The following CEP70 variants were observed in gnomAD, a reference collection of about 807,000 sequenced individuals.
CEP70 encodes the protein centrosomal protein of 70 kDa.
A neutral mutation model predicts 90.9 loss-of-function variants in CEP70; 70 were observed. That is an observed-to-expected ratio of 0.77 (90% CI 0.64 to 0.94). CEP70 has a LOEUF of 0.94. Among genes scored for constraint, CEP70 ranks in the 40% least tolerant of loss-of-function variants. CEP70 has a pLI of 0.00. For synonymous variants in CEP70, 220 were observed against 228.3 expected (o/e 0.96, Z 0.33); for missense variants, 648 against 669.0 (o/e 0.97, Z 0.35).
chr3:138,543,488 G>T (rs2038928039), intron 6 of CEP70, among the ~76,000 whole-genome samples: 1 of 152,216 alleles, frequency 6.6e-6, no homozygotes, highest in Admixed American at 6.5e-5. Flanking sequence ...GTACTTCCAA[G>T]CCTGAGGGGG....
chr3:138,527,434 C>T (rs922752691), intron 10 of CEP70, among the ~76,000 whole-genome samples: 1 of 151,714 alleles, frequency 6.6e-6, no homozygotes, highest in Non-Finnish European at 1.5e-5. Context: ...CGGTGGCTCA[C>T]GCTTGTAATT....
chr3:138,527,617 C>T (rs1272715480), intron 10 of CEP70, among the ~76,000 whole-genome samples: 1 of 151,014 alleles, frequency 6.6e-6, no homozygotes, highest in Non-Finnish European at 1.5e-5. Flanking sequence ...ATCACTTGAG[C>T]CCGGGAGGCA....
chr3:138,593,272 G>C (rs1332613093), intron 1 of CEP70, among the ~76,000 whole-genome samples: 1 of 152,170 alleles, frequency 6.6e-6, no homozygotes, highest in African/African-American at 2.4e-5. Context: ...ACCCAGGCTG[G>C]AGTGCAGTGG....
chr3:138,568,591 T>A (rs1175934216), intron 6 of CEP70, among the ~76,000 whole-genome samples: 1 of 152,034 alleles, frequency 6.6e-6, no homozygotes, highest in Non-Finnish European at 1.5e-5. Context: ...AAGAGCAAGG[T>A]CAAAACCAAT....
Position 138,537,194 on chromosome 3 carries a change from T to C in CEP70, c.619A>G (p.Thr207Ala). 1.3e-6 allele frequency: 2 copies of C among 1,571,518 alleles called. No individual in the cohort carries two copies. Among genetic ancestry groups the C allele is most frequent in the Non-Finnish European group, 1.7e-6 (2 of 1,164,020 alleles). The change falls in exon 7 of 18, where the codon ACC (threonine) becomes GCC (alanine). Residue 207 changes from threonine (T) to alanine (A), a missense_variant. By Grantham distance (58) the Thr-to-Ala change is moderately conservative (BLOSUM62 0). Coordinates refer to ENST00000264982, the MANE Select transcript of CEP70 (RefSeq NM_024491.4). ...CAAAATTACTGTCTATCCAAGACGG[T>C]ATGAGGAACTCTTTTGCACAGATAG... is the stretch of plus-strand genomic sequence containing the variant. ...FAYLCKRVPH[T>A]VLDRQLLCLI...
chr3:138,521,483 G>A (rs534537479), intron 11 of CEP70, among the ~76,000 whole-genome samples: 97 of 150,046 alleles, frequency 6.5e-4, no homozygotes, highest in African/African-American at 2.0e-3. Context: ...AGTGAGGAGC[G>A]TCTCTGCCTG....
At chr3:138,569,570 A>G (rs2041022458) in intron 6 of CEP70, among the ~76,000 whole-genome samples, 1 of 152,152 alleles carries the variant, frequency 6.6e-6, no homozygotes, top group South Asian at 2.1e-4. Flanking sequence ...TTTAGACATA[A>G]AAAGTTGTAG....
chr3:138,503,812 G>A (rs555361846), intron 13 of CEP70, among the ~76,000 whole-genome samples: 1 of 152,220 alleles, frequency 6.6e-6, no homozygotes, highest in East Asian at 1.9e-4. Context: ...AGACTCTAGA[G>A]CACAAGTTAT....
At chr3:138,542,039 C>A (rs181582476) in intron 6 of CEP70, among the ~76,000 whole-genome samples, 127 of 152,322 alleles carry the variant, frequency 8.3e-4, no homozygotes, top group Middle Eastern at 6.8e-3. Context: ...TCTGCCCACT[C>A]GGCCTGGCAG....
chr3:138,560,201 C>A (rs1261193496), intron 6 of CEP70, among the ~76,000 whole-genome samples: 2 of 152,132 alleles, frequency 1.3e-5, no homozygotes, highest in African/African-American at 4.8e-5. Flanking sequence ...GTGGGTACAG[C>A]CCACAGAGGG....
chr3:138,591,220 C>CT (rs1408227172), intron 2 of CEP70, among the ~76,000 whole-genome samples: 4 of 152,098 alleles, frequency 2.6e-5, no homozygotes, highest in African/African-American at 9.7e-5. Flanking sequence ...ACAGTCACAA[C>CT]TTCATTTCAT....
At chr3:138,524,175 T>G (rs1042780116) in intron 11 of CEP70, among the ~76,000 whole-genome samples, 8 of 151,524 alleles carry the variant, frequency 5.3e-5, no homozygotes, top group Admixed American at 1.3e-4. Context: ...TAGCCATATG[T>G]AGAAAGCTGA....
intron 6 of CEP70, among the ~76,000 whole-genome samples, chr3:138,570,056 A>G (rs956978473): frequency 6.6e-5 from 10 of 152,138 alleles, no homozygotes; most frequent in African/African-American, 1.2e-4. Context: ...GAAAAGATCT[A>G]AGGACTGAGC....
intron 2 of CEP70, among the ~76,000 whole-genome samples, chr3:138,587,620 C>CA (rs5852917): frequency 1.5e-5 from 2 of 137,430 alleles, no homozygotes; most frequent in African/African-American, 5.5e-5. Flanking sequence ...CCCATCTCTA[C>CA]AAAAAAAAGA....
At chr3:138,525,712 GT>G (rs1560332709) in intron 10 of CEP70, 148 bp from the exon 11 acceptor site, 1 of 360,796 alleles carries the variant, frequency 2.8e-6, no homozygotes, top group South Asian at 1.3e-4. Flanking sequence ...CTAATTTGGA[GT>G]TTACTGGCCA....
chr3:138,581,934 A>G lies in CEP70; in HGVS notation c.-5-9002T>C, dbSNP rs760797159. ...AGAGAAAAGAAACAAATAATATACA[A>G]TGGAGCTCCGTATAGGCCAAGAGTG... On this transcript the variant is annotated intron_variant, in intron 2 of 17. Coordinates refer to ENST00000264982, the MANE Select transcript of CEP70 (RefSeq NM_024491.4). 1.1e-3 allele frequency among the ~76,000 whole-genome samples: 160 copies of G among 152,054 alleles called. 1 individual carries two copies. The highest frequency in any genetic ancestry group is 3.8e-4 in the Non-Finnish European group (26 of 68,008).
chr3:138,550,363 T>TTTG (rs754268965), intron 6 of CEP70, among the ~76,000 whole-genome samples: 10 of 152,268 alleles, frequency 6.6e-5, no homozygotes, highest in East Asian at 1.9e-4. Context: ...GCATACATTT[T>TTTG]TTGTTGTTGT....
chr3:138,564,763 A>G (rs926640517), intron 6 of CEP70, among the ~76,000 whole-genome samples: 2 of 152,204 alleles, frequency 1.3e-5, no homozygotes, highest in African/African-American at 4.8e-5. Flanking sequence ...AAAAACCAGA[A>G]GCACTCCCTT....
At chr3:138,527,594 T>G (rs1168579178) in intron 10 of CEP70, among the ~76,000 whole-genome samples, 1 of 149,878 alleles carries the variant, frequency 6.7e-6, no homozygotes, top group East Asian at 2.0e-4. Flanking sequence ...CTCGGGAGGC[T>G]GAGGCAGAAG....
Sources: allele counts gnomAD v4.1 joint callset (sites outside exome capture counted in the v4.1 genomes callset), GRCh38; gene constraint gnomAD v4.1.1; transcripts MANE v1.5; gene names NCBI Gene and HGNC (gene_info 2026-07-23, HGNC 2026-07-21).